NCR1: variants seen among roughly 807,000 people sequenced by gnomAD.
NCR1 encodes the protein natural cytotoxicity triggering receptor 1.
NCR1 carries 30 observed loss-of-function variants against 32.5 expected under a neutral mutation model. The observed-to-expected ratio is 0.92, with a 90% CI of 0.69 to 1.25. The LOEUF is 1.25. Ranked by LOEUF, NCR1 falls within the 50% of genes most tolerant of loss-of-function variation. NCR1 has a pLI of 0.00. For synonymous variants in NCR1, 169 were observed against 143.4 expected, an observed-to-expected ratio of 1.18 and a Z score of -1.28; for missense variants, 369 against 380.7, an observed-to-expected ratio of 0.97 and a Z score of 0.26.
chr19:54,927,892 G>A, the NCR1 span: 2 of 859,884 alleles, frequency 2.3e-6, no homozygotes, highest in Non-Finnish European at 3.9e-6. Context: ...AGGTGTTCGA[G>A]ACCAGCCTTG....
At chr19:54,906,457 CT>C in intron 2 of NCR1, 65 bp from the exon 3 acceptor site, 1 of 1,599,804 alleles carries the variant, frequency 6.3e-7, no homozygotes, top group Non-Finnish European at 8.5e-7. Context: ...GGGCCAGCAG[CT>C]GGGTGGAGCC....
the NCR1 span, among the ~76,000 whole-genome samples, chr19:54,899,326 T>C: frequency 2.0e-5 from 3 of 151,070 alleles, no homozygotes; most frequent in Non-Finnish European, 3.0e-5. Context: ...GTTGAAGAGG[T>C]TTTAGGTTTT....
At chr19:54,899,299 T>G in the NCR1 span, among the ~76,000 whole-genome samples, 1 of 151,720 alleles carries the variant, frequency 6.6e-6, no homozygotes, top group Non-Finnish European at 1.5e-5. Context: ...GGCATTTAGG[T>G]TTTAGGTCAG....
chr19:54,912,630 A>G lies in NCR1; in HGVS notation c.734-60A>G, dbSNP rs891937350. The G allele has an allele frequency of 2.6e-5, 10 of 386,470 alleles. 1 individual carries two copies. Among genetic ancestry groups the G allele is most frequent in the South Asian group, 1.8e-4 (4 of 22,638 alleles). The allele number at this position is 386,470 out of a possible 1,614,324, so 23.9% of individuals were successfully genotyped here. On this transcript the variant is annotated intron_variant, in intron 6 of 6. Transcript: ENST00000291890. ...AAAAAAAAAAAAAAAAAAAAAAAAA[A>G]AAAAAAAAGAGGGTGTCCTTACATC...
chr19:54,903,378 G>A (rs587658036), upstream of NCR1, among the ~76,000 whole-genome samples: 11 of 122,722 alleles, frequency 9.0e-5, 1 homozygote, highest in South Asian at 2.5e-4. Flanking sequence ...ATATATACAT[G>A]TATGTATATA....
the NCR1 span, among the ~76,000 whole-genome samples, chr19:54,931,973 C>T: frequency 6.6e-6 from 1 of 152,054 alleles, no homozygotes; most frequent in Non-Finnish European, 1.5e-5. Flanking sequence ...CACTTATTTT[C>T]TGCGTGGTTA....
At chr19:54,921,877 C>T in the NCR1 span, among the ~76,000 whole-genome samples, 1 of 148,938 alleles carries the variant, frequency 6.7e-6, no homozygotes, top group Non-Finnish European at 1.5e-5. Context: ...ACCATGACAA[C>T]TTTCCCCATA....
At chr19:54,912,050 G>A (rs1190105432) in intron 5 of NCR1, 118 bp from the exon 6 acceptor site, 13 of 860,902 alleles carry the variant, frequency 1.5e-5, no homozygotes, top group East Asian at 7.3e-5. Flanking sequence ...CCTGGGACCC[G>A]CAGGGTGAGG....
chr19:54,912,585 C>G, intron 6 of NCR1, 105 bp from the exon 7 acceptor site: 1 of 912,866 alleles, frequency 1.1e-6, no homozygotes, highest in African/African-American at 2.0e-5. Context: ...GGCGACAAGA[C>G]TGAGGCTCTG....
downstream of NCR1, among the ~76,000 whole-genome samples, chr19:54,918,547 T>C (rs2068179841): frequency 6.6e-6 from 1 of 152,066 alleles, no homozygotes; most frequent in Non-Finnish European, 1.5e-5. Flanking sequence ...GTGATGAGAT[T>C]ACAGGCGTGA....
chr19:54,936,449 A>G, the NCR1 span: 5 of 1,606,816 alleles, frequency 3.1e-6, no homozygotes, highest in African/African-American at 4.0e-5. Context: ...AAAGCAGAAG[A>G]GATTCCACTT....
At chr19:54,913,999 C>T (rs1227315305), downstream of NCR1, among the ~76,000 whole-genome samples, 5 of 150,032 alleles carry the variant, frequency 3.3e-5, no homozygotes, top group Admixed American at 6.7e-5. Flanking sequence ...ACCCGGGAGG[C>T]GGAGGCTGCA....
chr19:54,907,280 C>T (rs2146040402), intron 3 of NCR1, among the ~76,000 whole-genome samples: 1 of 151,290 alleles, frequency 6.6e-6, no homozygotes, highest in African/African-American at 2.4e-5. Context: ...CTCAGCTTCC[C>T]AAGTAGCTGG....
rs1275491929 is a variant in NCR1 at position 54,911,357 on chromosome 19, AG to A, written c.683-810del. On this transcript the variant is annotated intron_variant, in intron 5 of 6. Coordinates refer to ENST00000291890, the MANE Select transcript of NCR1 (RefSeq NM_004829.7). ...GAGTGAGACTCCGTCTCAAAAAAAA[AG>A]AAAAAGAAAAAGAAAAAGAAAAAAA... Among the ~76,000 whole-genome samples, 189 of 128,494 alleles carry A rather than the reference AG, an allele frequency of 1.5e-3. 5 individuals carry two copies. The highest frequency in any genetic ancestry group is 2.4e-3 in the Non-Finnish European group (147 of 61,320). The allele number at this position is 128,494 out of a possible 152,430, so 84.3% of individuals were successfully genotyped here. A position where few individuals can be genotyped will look rare whatever the true frequency, so the allele number is the denominator to read the frequency against.
chr19:54,921,751 G>A, the NCR1 span, among the ~76,000 whole-genome samples: 7 of 135,884 alleles, frequency 5.2e-5, no homozygotes, highest in African/African-American at 1.4e-4. Flanking sequence ...CAGCCTGGGC[G>A]ACAGAGGCAA....
At chr19:54,906,080 C>T (rs987338674), upstream of NCR1, 8 of 1,404,868 alleles carry the variant, frequency 5.7e-6, no homozygotes, top group African/African-American at 4.2e-5. Context: ...CGTGAAAGCG[C>T]TCTGGTGATG....
the NCR1 span, chr19:54,923,871 A>G: frequency 6.2e-7 from 1 of 1,613,492 alleles, no homozygotes; most frequent in Non-Finnish European, 8.5e-7. Flanking sequence ...TAGGTCTTCA[A>G]CCTGGAGGGA....
At chr19:54,900,175 G>C in the NCR1 span, among the ~76,000 whole-genome samples, 38 of 152,238 alleles carry the variant, frequency 2.5e-4, no homozygotes, top group South Asian at 7.9e-3. Flanking sequence ...TCGAGTTATG[G>C]CACCAAATTT....
chr19:54,903,294 A>G (rs1231675879), upstream of NCR1, among the ~76,000 whole-genome samples: 2 of 141,152 alleles, frequency 1.4e-5, no homozygotes, highest in Non-Finnish European at 3.1e-5. Context: ...ACATATATAC[A>G]CATATACGTA....
Sources: allele counts gnomAD v4.1 joint callset (sites outside exome capture counted in the v4.1 genomes callset), GRCh38; gene constraint gnomAD v4.1.1; transcripts MANE v1.5; gene names NCBI Gene and HGNC (gene_info 2026-07-23, HGNC 2026-07-21).